OXR1: variants seen among roughly 807,000 people sequenced by gnomAD.
OXR1 encodes the protein oxidation resistance 1.
A neutral mutation model predicts 104.6 loss-of-function variants in OXR1; 41 were observed. The ratio of observed to expected loss-of-function variants is 0.39; its 90% CI spans 0.31 to 0.51. The LOEUF is 0.51. Ranked by LOEUF, OXR1 falls within the 20% of genes least tolerant of loss-of-function variation. The probability of loss-of-function intolerance (pLI) is 0.77; values close to 1 mark genes in which losing one functional copy is unlikely to be tolerated. For missense variants in OXR1, 955 were observed against 1,031.9 expected (o/e 0.93, Z 1.02); for synonymous variants, 348 against 348.4 (o/e 1.00, Z 0.01).
intron 3 of OXR1, among the ~76,000 whole-genome samples, chr8:106,587,701 T>C (rs1818734772): frequency 3.9e-5 from 6 of 152,206 alleles, no homozygotes; most frequent in Admixed American, 3.3e-4. Flanking sequence ...CTATGTAGCA[T>C]GGTTTTTCCT....
At chr8:106,345,173 G>T (rs983261825) in intron 1 of OXR1, among the ~76,000 whole-genome samples, 9 of 152,176 alleles carry the variant, frequency 5.9e-5, no homozygotes, top group African/African-American at 2.2e-4. Flanking sequence ...CACAGCAGGT[G>T]CTCAATAAAT....
intron 3 of OXR1, among the ~76,000 whole-genome samples, chr8:106,653,569 A>C (rs1249138635): frequency 8.6e-5 from 13 of 151,992 alleles, no homozygotes. Context: ...CAAAAAAATT[A>C]GAAATTAGGA....
At chr8:106,377,363 A>G (rs1162778411) in intron 2 of OXR1, among the ~76,000 whole-genome samples, 3 of 151,882 alleles carry the variant, frequency 2.0e-5, no homozygotes, top group Non-Finnish European at 4.4e-5. Flanking sequence ...AAAAAAAAAA[A>G]TTTATAGAGA....
intron 3 of OXR1, among the ~76,000 whole-genome samples, chr8:106,569,425 G>T (rs141791097): frequency 2.6e-5 from 4 of 152,230 alleles, no homozygotes; most frequent in South Asian, 2.1e-4. Flanking sequence ...GCAATTGCAC[G>T]TATAGGTATT....
chr8:106,629,938 C>T (rs1484859338), intron 3 of OXR1, among the ~76,000 whole-genome samples: 1 of 152,090 alleles, frequency 6.6e-6, no homozygotes, highest in African/African-American at 2.4e-5. Flanking sequence ...TCAATGTGAT[C>T]TAAATACAGT....
At chr8:106,646,232 A>C (rs1824070346) in intron 3 of OXR1, among the ~76,000 whole-genome samples, 2 of 151,846 alleles carry the variant, frequency 1.3e-5, no homozygotes, top group African/African-American at 2.4e-5. Context: ...CAGTTTCCCA[A>C]GTAGCTGGGA....
At chr8:106,591,896 A>G (rs560339221) in intron 3 of OXR1, among the ~76,000 whole-genome samples, 22 of 152,368 alleles carry the variant, frequency 1.4e-4, no homozygotes, top group Non-Finnish European at 2.9e-4. Context: ...ACGCAAGGTT[A>G]TTCATAAAAT....
chr8:106,527,400 C>G (rs1355838825), intron 3 of OXR1, among the ~76,000 whole-genome samples: 1 of 152,154 alleles, frequency 6.6e-6, no homozygotes, highest in Admixed American at 6.5e-5. Flanking sequence ...CCCACTTCCA[C>G]AAAATAAGGT....
intron 3 of OXR1, among the ~76,000 whole-genome samples, chr8:106,671,373 A>G (rs1826962483): frequency 6.6e-6 from 1 of 152,168 alleles, no homozygotes; most frequent in South Asian, 2.1e-4. Flanking sequence ...ATCAACCTTG[A>G]CTATCTTAAA....
intron 2 of OXR1, among the ~76,000 whole-genome samples, chr8:106,489,613 G>T (rs867306232): frequency 1.3e-5 from 2 of 152,090 alleles, no homozygotes; most frequent in African/African-American, 4.8e-5. Context: ...AAATAAATTA[G>T]TGATGATATA....
intron 1 of OXR1, among the ~76,000 whole-genome samples, chr8:106,351,792 A>C (rs1359698886): frequency 6.6e-6 from 1 of 152,182 alleles, no homozygotes; most frequent in African/African-American, 2.4e-5. Context: ...CGTCATCATC[A>C]TTGTATGAAC....
Position 106,359,464 on chromosome 8 carries a change from T to C in OXR1, c.-138-12T>C. Reference sequence around the variant, plus strand: ...GGTACTAGAGATATTCATTTATTTCTTTTCTTTATAGGTCCTCTCAAACTG... The same window carrying C: ...GGTACTAGAGATATTCATTTATTTCCTTTCTTTATAGGTCCTCTCAAACTG... On this transcript the variant is annotated splice_polypyrimidine_tract_variant and intron_variant, in intron 1 of 16. Transcript: ENST00000517566. 1 of 631,234 alleles carries C rather than the reference T, an allele frequency of 1.6e-6. No homozygotes were observed. Among genetic ancestry groups the C allele is most frequent in the East Asian group, 2.8e-5 (1 of 36,354 alleles). The allele number at this position is 631,234 out of a possible 1,614,324, so 39.1% of individuals were successfully genotyped here.
intron 13 of OXR1, among the ~76,000 whole-genome samples, chr8:106,739,907 G>A (rs1166540649): frequency 3.3e-5 from 5 of 152,072 alleles, no homozygotes; most frequent in Non-Finnish European, 4.4e-5. Flanking sequence ...TTAAAAAATC[G>A]GGAGCACAGA....
chr8:106,320,561 A>T (rs2130176509), intron 1 of OXR1, among the ~76,000 whole-genome samples: 1 of 152,268 alleles, frequency 6.6e-6, no homozygotes, highest in South Asian at 2.1e-4. Context: ...GAATTTACTG[A>T]GCATATTCCT....
intron 3 of OXR1, among the ~76,000 whole-genome samples, chr8:106,570,099 T>A (rs994742135): frequency 6.6e-6 from 1 of 152,206 alleles, no homozygotes; most frequent in Admixed American, 6.5e-5. Context: ...GCTTGTGTTT[T>A]TATCATCCAC....
chr8:106,723,219 C>T (rs557204643), intron 11 of OXR1, among the ~76,000 whole-genome samples: 5 of 152,008 alleles, frequency 3.3e-5, no homozygotes, highest in East Asian at 1.9e-4. Context: ...AGGCCAGGTG[C>T]GGTGGCTCAT....
At chr8:106,748,753 A>G (rs1835618124) in intron 16 of OXR1, among the ~76,000 whole-genome samples, 1 of 150,944 alleles carries the variant, frequency 6.6e-6, no homozygotes, top group Non-Finnish European at 1.5e-5. Flanking sequence ...ATTTTTTATT[A>G]GAGACAGGGT....
At chr8:106,507,206 A>C (rs940229872) in intron 2 of OXR1, among the ~76,000 whole-genome samples, 3 of 152,240 alleles carry the variant, frequency 2.0e-5, no homozygotes, top group Non-Finnish European at 4.4e-5. Context: ...GGTTAAAAAA[A>C]GTTGAGTATT....
intron 3 of OXR1, among the ~76,000 whole-genome samples, chr8:106,655,889 T>G (rs1290247939): frequency 6.6e-6 from 1 of 152,142 alleles, no homozygotes; most frequent in East Asian, 1.9e-4. Context: ...AACAGATGGG[T>G]TAACTACCTG....
Sources: allele counts gnomAD v4.1 joint callset (sites outside exome capture counted in the v4.1 genomes callset), GRCh38; gene constraint gnomAD v4.1.1; transcripts MANE v1.5; gene names NCBI Gene and HGNC (gene_info 2026-07-23, HGNC 2026-07-21).